Variants in C2orf49 observed in about 807,000 individuals in gnomAD.
C2orf49 encodes tRNA-splicing ligase complex subunit ASW.
C2orf49 carries 11 observed loss-of-function variants against 20.6 expected under a neutral mutation model. The ratio of observed to expected loss-of-function variants is 0.53; its 90% CI spans 0.34 to 0.88. The LOEUF (loss-of-function observed/expected upper bound fraction) is 0.88, where lower values mean the gene tolerates loss of function less well. C2orf49 is among the 40% of genes least tolerant of loss of function. C2orf49 has a pLI of 0.02. For missense variants in C2orf49, 289 were observed against 274.2 expected, an observed-to-expected ratio of 1.05 and a Z score of -0.38; for synonymous variants, 134 against 108.5, an observed-to-expected ratio of 1.24 and a Z score of -1.46.
At chr2:105,339,250 T>C (rs1038223297) in intron 1 of C2orf49, among the ~76,000 whole-genome samples, 1 of 152,266 alleles carries the variant, frequency 6.6e-6, no homozygotes, top group Non-Finnish European at 1.5e-5. Flanking sequence ...TAGCTTTCTT[T>C]TGTCAACAGG....
In C2orf49 at chr2:105,348,158, G is replaced by A. The variant is rs1416693806; in HGVS notation, c.*2787G>A. On this transcript the variant is annotated 3_prime_UTR_variant, in exon 4 of 4. Transcript: ENST00000258457. ...CCCTCCACATTCACTGAGAGGTGAAGATAGGCTGACCCCCTGTCCTCTTAC... is the reference window on the plus strand; with the variant it reads ...CCCTCCACATTCACTGAGAGGTGAAAATAGGCTGACCCCCTGTCCTCTTAC... 3.9e-5 allele frequency: 6 copies of A among 152,182 alleles called. No individual in the cohort carries two copies. The highest frequency in any genetic ancestry group is 5.9e-5 in the Non-Finnish European group (4 of 68,040). 9.4% of individuals were successfully genotyped at this position (152,182 alleles called of 1,614,324 possible). A position where few individuals can be genotyped will look rare whatever the true frequency, so the allele number is the denominator to read the frequency against.
the C2orf49 span, among the ~76,000 whole-genome samples, chr2:105,368,138 A>C: frequency 6.6e-6 from 1 of 152,176 alleles, no homozygotes; most frequent in Admixed American, 6.6e-5. Context: ...CCTATTGCAC[A>C]CCTGATAATG....
chr2:105,385,426 G>A, the C2orf49 span, among the ~76,000 whole-genome samples: 2 of 152,168 alleles, frequency 1.3e-5, no homozygotes, highest in African/African-American at 2.4e-5. Context: ...TGATATTAAC[G>A]ACCAGGGAGG....
intron 3 of C2orf49, among the ~76,000 whole-genome samples, chr2:105,343,625 T>A (rs1325764492): frequency 6.6e-6 from 1 of 152,206 alleles, no homozygotes; most frequent in African/African-American, 2.4e-5. Context: ...TGACCTTAAG[T>A]CTGTCTGTTT....
chr2:105,354,802 A>C, the C2orf49 span, among the ~76,000 whole-genome samples: 2 of 152,270 alleles, frequency 1.3e-5, no homozygotes, highest in African/African-American at 4.8e-5. Context: ...AGATGTGATC[A>C]ACGTAAATCT....
At chr2:105,367,774 A>C in the C2orf49 span, 1 of 1,600,766 alleles carries the variant, frequency 6.2e-7, no homozygotes, top group Non-Finnish European at 8.5e-7. Context: ...CAGCAGAGTT[A>C]TGGTTAGAGG....
chr2:105,363,464 G>A, the C2orf49 span: 1 of 1,607,626 alleles, frequency 6.2e-7, no homozygotes, highest in East Asian at 2.2e-5. Flanking sequence ...CCCTCCCGTG[G>A]TGATGGGCTG....
the C2orf49 span, among the ~76,000 whole-genome samples, chr2:105,366,002 C>T: frequency 4.0e-5 from 6 of 151,756 alleles, no homozygotes; most frequent in Non-Finnish European, 5.9e-5. Flanking sequence ...GTCAGGAGTT[C>T]CGAGATCAGC....
chr2:105,357,104 C>T, the C2orf49 span, among the ~76,000 whole-genome samples: 1 of 152,292 alleles, frequency 6.6e-6, no homozygotes, highest in South Asian at 2.1e-4. Context: ...CATGCCACTG[C>T]ACCTGACTAG....
the C2orf49 span, among the ~76,000 whole-genome samples, chr2:105,371,925 C>T: frequency 3.3e-5 from 5 of 152,106 alleles, no homozygotes; most frequent in African/African-American, 1.2e-4. Context: ...TTTGCACTGT[C>T]GCACAGCACT....
intron 1 of C2orf49, among the ~76,000 whole-genome samples, chr2:105,339,162 C>T (rs189663325): frequency 3.5e-4 from 53 of 152,336 alleles, no homozygotes; most frequent in Middle Eastern, 3.4e-3. Flanking sequence ...AGACTGAGAC[C>T]TTCATCCCAC....
chr2:105,385,379 A>ATGCATG, the C2orf49 span, among the ~76,000 whole-genome samples: 1 of 152,244 alleles, frequency 6.6e-6, no homozygotes, highest in Admixed American at 6.5e-5. Context: ...ATCCAACTGC[A>ATGCATG]TGCATGGCCT....
At chr2:105,379,554 G>A in the C2orf49 span, among the ~76,000 whole-genome samples, 1 of 152,176 alleles carries the variant, frequency 6.6e-6, no homozygotes, top group Non-Finnish European at 1.5e-5. Context: ...CAGATTCAAT[G>A]TAACGACACC....
the C2orf49 span, among the ~76,000 whole-genome samples, chr2:105,363,924 G>T: frequency 6.6e-6 from 1 of 152,184 alleles, no homozygotes; most frequent in Non-Finnish European, 1.5e-5. Flanking sequence ...CAGGAAGTGA[G>T]GGTGATGAGG....
At chr2:105,340,351 C>T (rs1238422019) in intron 2 of C2orf49, among the ~76,000 whole-genome samples, 1 of 152,144 alleles carries the variant, frequency 6.6e-6, no homozygotes, top group Non-Finnish European at 1.5e-5. Context: ...TGGCTGCTGT[C>T]CTAAGAAGTG....
chr2:105,339,596 T>C lies in C2orf49; in HGVS notation c.113T>C (p.Val38Ala), dbSNP rs779375738. Reference protein sequence around the residue: ...LLTLEQKNIAVETDVRVNKDS... With the variant: ...LLTLEQKNIAAETDVRVNKDS... ...CCTTTCCCGCAGAAGAACATAGCTG[T>C]TGAAACTGATGTAAGAGTAAACAAA... The change falls in exon 2 of 4, where the codon GTT becomes GCT. Residue 38 changes from valine (V) to alanine (A), a missense_variant. Transcript: ENST00000258457. 1 of 1,587,888 alleles carries C rather than the reference T, an allele frequency of 6.3e-7. No homozygotes were observed. Among genetic ancestry groups the C allele is most frequent in the South Asian group, 1.2e-5 (1 of 84,628 alleles).
chr2:105,375,240 CTT>C, the C2orf49 span: 9 of 152,080 alleles, frequency 5.9e-5, no homozygotes, highest in African/African-American at 2.2e-4. Flanking sequence ...TTAGTGATCT[CTT>C]TGCGCATTTT....
chr2:105,385,649 C>T, the C2orf49 span, among the ~76,000 whole-genome samples: 3 of 152,144 alleles, frequency 2.0e-5, no homozygotes, highest in Non-Finnish European at 4.4e-5. Context: ...GTGAAGGTAT[C>T]AGAGAGTTCA....
chr2:105,348,184 A>G lies in C2orf49; in HGVS notation c.*2813A>G, dbSNP rs1258159504. 2.0e-5 allele frequency: 3 copies of G among 152,086 alleles called. No individual in the cohort carries two copies. The highest frequency in any genetic ancestry group is 7.2e-5 in the African/African-American group (3 of 41,394). The allele number at this position is 152,086 out of a possible 1,614,324, so 9.4% of individuals were successfully genotyped here. ...ATAGGCTGACCCCCTGTCCTCTTACATTTGAGGGATCATAGACTGCTGTGT... is the reference window on the plus strand; with the variant it reads ...ATAGGCTGACCCCCTGTCCTCTTACGTTTGAGGGATCATAGACTGCTGTGT... On this transcript the variant is annotated 3_prime_UTR_variant, in exon 4 of 4. Transcript: ENST00000258457.
Sources: allele counts gnomAD v4.1 joint callset (sites outside exome capture counted in the v4.1 genomes callset), GRCh38; gene constraint gnomAD v4.1.1; transcripts MANE v1.5; gene names NCBI Gene and HGNC (gene_info 2026-07-23, HGNC 2026-07-21).